Variants in MSR1 observed in about 807,000 individuals in gnomAD.
MSR1 encodes the protein macrophage scavenger receptor types I and II.
In MSR1, 53 loss-of-function variants were observed where a neutral mutation model predicts 47.2. The observed-to-expected ratio is 1.12, with a 90% CI of 0.90 to 1.41. The LOEUF (loss-of-function observed/expected upper bound fraction) is 1.41. MSR1 is among the 40% of genes most tolerant of loss of function. MSR1 has a pLI of 0.00. For missense variants in MSR1, 786 were observed against 546.9 expected, an observed-to-expected ratio of 1.44 and a Z score of -4.36; for synonymous variants, 239 against 185.6, an observed-to-expected ratio of 1.29 and a Z score of -2.34.
At chr8:16,135,031 T>C (rs1289466477) in intron 8 of MSR1, among the ~76,000 whole-genome samples, 2 of 152,132 alleles carry the variant, frequency 1.3e-5, no homozygotes, top group African/African-American at 2.4e-5. Flanking sequence ...AGAAGCCATC[T>C]CCATAACATA....
intron 5 of MSR1, 59 bp from the exon 6 acceptor site, chr8:16,155,203 CATCTGTCA>C (rs1800972226): frequency 7.8e-7 from 1 of 1,276,414 alleles, no homozygotes; most frequent in African/African-American, 1.5e-5. Flanking sequence ...ATGGGTTAGT[CATCTGTCA>C]AGGTACTTAT....
chr8:16,132,449 TTTTCTC>T lies in MSR1; in HGVS notation c.1033+11103_1033+11108del, dbSNP rs551964965. On this transcript the variant is annotated intron_variant, in intron 8 of 9. Coordinates refer to ENST00000262101, the MANE Select transcript of MSR1 (RefSeq NM_138715.3). ...TTGTCTGCAAACAGATAGTTTGACT[TTTTCTC>T]TTTCTATTTTGATACTGTGTATTTC... is the stretch of plus-strand genomic sequence containing the variant. Among the ~76,000 whole-genome samples the T allele has an allele frequency of 1.4e-3, 207 of 152,104 alleles. 4 individuals are homozygous for T. The highest frequency in any genetic ancestry group is 1.6e-3 in the Admixed American group (25 of 15,264).
chr8:16,175,332 A>G (rs766380820), intron 2 of MSR1, 32 bp from the exon 3 acceptor site: 12 of 1,527,906 alleles, frequency 7.9e-6, no homozygotes, highest in East Asian at 2.3e-5. Context: ...GCCTACTGTT[A>G]GAAAGTGTTG....
At chr8:16,146,076 T>G (rs987478295) in intron 7 of MSR1, among the ~76,000 whole-genome samples, 1 of 152,142 alleles carries the variant, frequency 6.6e-6, no homozygotes, top group Non-Finnish European at 1.5e-5. Context: ...TGTGAGCCTC[T>G]TATATGAGCC....
intron 9 of MSR1, among the ~76,000 whole-genome samples, chr8:16,112,296 AC>A (rs1481386861): frequency 6.6e-6 from 1 of 152,110 alleles, no homozygotes; most frequent in Admixed American, 6.6e-5. Flanking sequence ...TTTTATAATA[AC>A]CTTGTTAAAT....
chr8:16,175,951 A>G (rs1282570661), intron 2 of MSR1, among the ~76,000 whole-genome samples: 1 of 152,186 alleles, frequency 6.6e-6, no homozygotes, highest in African/African-American at 2.4e-5. Context: ...ATATGCATTT[A>G]TATGGCACTG....
At chr8:16,176,541 G>C (rs1322757556) in intron 2 of MSR1, among the ~76,000 whole-genome samples, 4 of 150,242 alleles carry the variant, frequency 2.7e-5, no homozygotes, top group Non-Finnish European at 5.9e-5. Flanking sequence ...AGAGAGAAAA[G>C]GAAAGGAAAG....
At position 16,112,942 on chromosome 8, in the gene MSR1, AGTT is replaced by A. The variant is rs1433419722; in HGVS notation, c.1223-2727_1223-2725del. Among the ~76,000 whole-genome samples the A allele has an allele frequency of 1.5e-3, 171 of 117,794 alleles. 6 individuals are homozygous for A. Among genetic ancestry groups the A allele is most frequent in the South Asian group, 7.8e-3 (28 of 3,574 alleles). The allele number at this position is 117,794 out of a possible 152,430, so 77.3% of individuals were successfully genotyped here. ...TGATATTGATTATATATTTTTTTTA[AGTT>A]TTTTTTTTTTTTTTTTTTTGAGACA... On this transcript the variant is annotated intron_variant, in intron 9 of 9. Coordinates refer to ENST00000262101, the MANE Select transcript of MSR1 (RefSeq NM_138715.3).
chr8:16,147,878 A>G (rs956227606), intron 7 of MSR1, among the ~76,000 whole-genome samples: 16 of 152,244 alleles, frequency 1.1e-4, no homozygotes, highest in African/African-American at 3.8e-4. Flanking sequence ...CCACCTAAAC[A>G]TAATGGTTTT....
At chr8:16,135,245 G>C (rs1800362091) in intron 8 of MSR1, among the ~76,000 whole-genome samples, 1 of 152,090 alleles carries the variant, frequency 6.6e-6, no homozygotes, top group Admixed American at 6.6e-5. Flanking sequence ...TTGAAGTATA[G>C]GCTAATTCCC....
chr8:16,174,984 T>A (rs982658150), intron 3 of MSR1, among the ~76,000 whole-genome samples: 4 of 152,208 alleles, frequency 2.6e-5, no homozygotes, highest in East Asian at 1.9e-4. Flanking sequence ...TTCTATTTTG[T>A]TTTTTCTAAT....
rs1049937731 is a variant in MSR1 at position 16,168,365 on chromosome 8, G to T, written c.630+93C>A. 5.4e-6 allele frequency: 7 copies of T among 1,288,852 alleles called. No individual in the cohort carries two copies. The African/African-American group carries it at 8.8e-5, about 16-fold the overall frequency. 79.8% of individuals were successfully genotyped at this position (1,288,852 alleles called of 1,614,324 possible). A position where few individuals can be genotyped will look rare whatever the true frequency, so the allele number is the denominator to read the frequency against. ...AGGGTAAACAGGATGATGAAACAGG[G>T]TTTGCAACTTTTGCTTTCCTGTACT... On this transcript the variant is annotated intron_variant, in intron 4 of 9. Coordinates refer to ENST00000262101, the MANE Select transcript of MSR1 (RefSeq NM_138715.3).
intron 8 of MSR1, among the ~76,000 whole-genome samples, chr8:16,129,706 C>T (rs1185538910): frequency 6.6e-6 from 1 of 152,084 alleles, no homozygotes; most frequent in Non-Finnish European, 1.5e-5. Flanking sequence ...CAAGATCATG[C>T]CACTGCACTC....
intron 9 of MSR1, among the ~76,000 whole-genome samples, chr8:16,111,821 A>T (rs1799762181): frequency 6.6e-6 from 1 of 152,204 alleles, no homozygotes. Context: ...ACTGTTGAGG[A>T]AACTGAAAAT....
chr8:16,113,563 A>T (rs62491233), intron 9 of MSR1, among the ~76,000 whole-genome samples: 15,411 of 152,200 alleles, frequency 0.1, 994 homozygotes, highest in South Asian at 0.19. Context: ...GAGAAAAACA[A>T]TGTAAATTAA....
At chr8:16,114,323 T>G (rs898542000) in intron 9 of MSR1, among the ~76,000 whole-genome samples, 1 of 152,182 alleles carries the variant, frequency 6.6e-6, no homozygotes, top group Non-Finnish European at 1.5e-5. Flanking sequence ...GAATAACTTT[T>G]AAATGGCATT....
intron 2 of MSR1, among the ~76,000 whole-genome samples, chr8:16,175,761 T>A (rs1337181460): frequency 6.6e-6 from 1 of 152,232 alleles, no homozygotes; most frequent in African/African-American, 2.4e-5. Context: ...ATAATTTTCT[T>A]GTTCAATTCC....
At chr8:16,189,818 C>T (rs1388149891) in intron 1 of MSR1, among the ~76,000 whole-genome samples, 1 of 140,296 alleles carries the variant, frequency 7.1e-6, no homozygotes, top group South Asian at 2.2e-4. Context: ...AAAAATACAG[C>T]CATTTTTCTA....
intron 3 of MSR1, among the ~76,000 whole-genome samples, chr8:16,170,156 T>C (rs1270875973): frequency 6.6e-6 from 1 of 152,112 alleles, no homozygotes. Flanking sequence ...AAGACCATCC[T>C]GGCCAACATG....
Sources: allele counts gnomAD v4.1 joint callset (sites outside exome capture counted in the v4.1 genomes callset), GRCh38; gene constraint gnomAD v4.1.1; transcripts MANE v1.5; gene names NCBI Gene and HGNC (gene_info 2026-07-23, HGNC 2026-07-21).